Variants in DNM3 observed in about 807,000 individuals in gnomAD.
DNM3 encodes dynamin-3.
In DNM3, 47 loss-of-function variants were observed where a neutral mutation model predicts 101.6. The ratio of observed to expected loss-of-function variants is 0.46; its 90% CI spans 0.37 to 0.59. DNM3 has a LOEUF of 0.59. Ranked by LOEUF, DNM3 falls within the 20% of genes least tolerant of loss-of-function variation. The pLI, the probability that DNM3 is intolerant of heterozygous loss-of-function variation, is 0.00. For missense variants in DNM3, 849 were observed against 1,085.7 expected, an observed-to-expected ratio of 0.78 and a Z score of 3.06; for synonymous variants, 385 against 387.9, an observed-to-expected ratio of 0.99 and a Z score of 0.09.
intron 15 of DNM3, among the ~76,000 whole-genome samples, chr1:172,261,967 G>A (rs1452639731): frequency 1.3e-5 from 2 of 152,164 alleles, no homozygotes; most frequent in African/African-American, 4.8e-5. Flanking sequence ...TCAGGTAAAG[G>A]GGGAAGGAGT....
chr1:172,230,653 A>G (rs982073430), intron 14 of DNM3, among the ~76,000 whole-genome samples: 1 of 152,138 alleles, frequency 6.6e-6, no homozygotes, highest in African/African-American at 2.4e-5. Context: ...TGAATGTTAA[A>G]TGTTTCATGG....
intron 4 of DNM3, among the ~76,000 whole-genome samples, chr1:171,998,121 A>C (rs576691138): frequency 6.6e-6 from 1 of 152,186 alleles, no homozygotes; most frequent in African/African-American, 2.4e-5. Context: ...CCTGTCTCAG[A>C]TGCCAATAGT....
chr1:172,145,092 C>T (rs757062997), intron 14 of DNM3, among the ~76,000 whole-genome samples: 8 of 151,910 alleles, frequency 5.3e-5, no homozygotes, highest in East Asian at 1.9e-4. Flanking sequence ...ATGTACAGTT[C>T]GGCTGTGGCC....
At chr1:172,229,282 C>T (rs1032700456) in intron 14 of DNM3, among the ~76,000 whole-genome samples, 3 of 152,106 alleles carry the variant, frequency 2.0e-5, no homozygotes, top group African/African-American at 7.2e-5. Context: ...GAACTAGAAA[C>T]ATTTCTCTAC....
chr1:172,209,415 G>C (rs1227848336), intron 14 of DNM3, among the ~76,000 whole-genome samples: 4 of 151,888 alleles, frequency 2.6e-5, no homozygotes, highest in African/African-American at 7.3e-5. Context: ...CAGGCACCAA[G>C]GGTGAATATT....
chr1:171,930,925 C>T (rs1381938302), intron 2 of DNM3, among the ~76,000 whole-genome samples: 2 of 152,096 alleles, frequency 1.3e-5, no homozygotes, highest in Admixed American at 6.5e-5. Context: ...GAAAATAATT[C>T]AGTTTATAAT....
At chr1:172,292,338 A>G (rs549874373) in intron 15 of DNM3, among the ~76,000 whole-genome samples, 4 of 152,346 alleles carry the variant, frequency 2.6e-5, no homozygotes, top group East Asian at 1.9e-4. Context: ...GCAGGTGTTC[A>G]TGGTCTTTAA....
At position 172,119,109 on chromosome 1, in the gene DNM3, C is replaced by T. The variant is rs1363854921; in HGVS notation, c.1546-12066C>T. Among the ~76,000 whole-genome samples, 3 of 151,864 alleles carry T rather than the reference C, an allele frequency of 2.0e-5. No individual in the cohort carries two copies. In the East Asian group the frequency reaches 5.8e-4, roughly 29 times the overall value. Reference sequence around the variant, plus strand: ...CCGGGTTCAAGCGATTCTTCTGCCTCAGCCTCCTGAGTAGCTGGGATTACA... The same window carrying T: ...CCGGGTTCAAGCGATTCTTCTGCCTTAGCCTCCTGAGTAGCTGGGATTACA... On this transcript the variant is annotated intron_variant, in intron 13 of 20. Coordinates refer to ENST00000627582, the MANE Select transcript of DNM3 (RefSeq NM_015569.5).
chr1:172,409,350 G>A lies in DNM3; in HGVS notation c.*1509G>A. 1.0e-6 allele frequency: 1 copy of A among 985,160 alleles called. No homozygotes were observed. Among genetic ancestry groups the A allele is most frequent in the African/African-American group, 1.7e-5 (1 of 57,328 alleles). The allele number at this position is 985,160 out of a possible 1,614,324, so 61.0% of individuals were successfully genotyped here. On this transcript the variant is annotated 3_prime_UTR_variant, in exon 21 of 21. Transcript: ENST00000627582. ...TAATTTCCTGTGTAGTTTACACCCAGAGCAGATACTCATAAAGTATAAAGT... is the reference window on the plus strand; with the variant it reads ...TAATTTCCTGTGTAGTTTACACCCAAAGCAGATACTCATAAAGTATAAAGT...
chr1:172,255,492 G>T (rs1339904695), intron 15 of DNM3, among the ~76,000 whole-genome samples: 17 of 152,072 alleles, frequency 1.1e-4, no homozygotes, highest in Non-Finnish European at 4.4e-5. Flanking sequence ...AAAAAGCTGG[G>T]TGTAAGGTAA....
At chr1:171,899,115 G>T (rs79318319) in intron 1 of DNM3, among the ~76,000 whole-genome samples, 3,005 of 152,302 alleles carry the variant, frequency 0.02, 96 homozygotes, top group African/African-American at 0.067. Flanking sequence ...AGCTGCAAGA[G>T]CAGTGGCCTT....
intron 4 of DNM3, among the ~76,000 whole-genome samples, chr1:171,998,985 T>C (rs1460265771): frequency 1.3e-5 from 2 of 152,170 alleles, no homozygotes; most frequent in African/African-American, 4.8e-5. Context: ...GCCCAGATCA[T>C]GTGGGGTTTT....
chr1:172,106,847 CT>C (rs1165611083), intron 13 of DNM3, among the ~76,000 whole-genome samples: 1,001 of 67,822 alleles, frequency 0.015, 1 homozygote, highest in Non-Finnish European at 0.021. Flanking sequence ...TAACATTATT[CT>C]TTTTTTTTTT....
At chr1:171,952,783 A>G (rs931986787) in intron 2 of DNM3, among the ~76,000 whole-genome samples, 1 of 152,216 alleles carries the variant, frequency 6.6e-6, no homozygotes, top group African/African-American at 2.4e-5. Context: ...AACTTATATC[A>G]TTGCTTCTTT....
At chr1:172,206,395 G>A (rs1278442212) in intron 14 of DNM3, among the ~76,000 whole-genome samples, 1 of 152,106 alleles carries the variant, frequency 6.6e-6, no homozygotes, top group African/African-American at 2.4e-5. Flanking sequence ...ACTGCAGGAA[G>A]CAGAAGAAAT....
In DNM3 at chr1:172,038,478, T is replaced by G; in HGVS notation, c.992+17T>G. On this transcript the variant is annotated intron_variant, in intron 7 of 20. Transcript: ENST00000627582. The stretch of plus-strand genomic sequence containing the variant: ...ATTGCTGCAGTAGGTCACCTTTCCC[T>G]TCCTTGGCTCAGCATTTTAATCTAA... 1.2e-6 allele frequency: 2 copies of G among 1,608,166 alleles called. No homozygotes were observed. Among genetic ancestry groups the G allele is most frequent in the South Asian group, 2.2e-5 (2 of 89,708 alleles).
intron 1 of DNM3, among the ~76,000 whole-genome samples, chr1:171,880,823 A>G (rs1295818151): frequency 1.3e-5 from 2 of 152,180 alleles, no homozygotes; most frequent in Non-Finnish European, 2.9e-5. Flanking sequence ...ATCTTATCAG[A>G]AAATGATTCC....
intron 17 of DNM3, among the ~76,000 whole-genome samples, chr1:172,369,796 A>C (rs1391712009): frequency 6.6e-6 from 1 of 151,976 alleles, no homozygotes; most frequent in Non-Finnish European, 1.5e-5. Context: ...ATGCCATAAC[A>C]AATTATCATA....
At chr1:172,383,862 G>A (rs1052220989) in intron 18 of DNM3, among the ~76,000 whole-genome samples, 15 of 152,250 alleles carry the variant, frequency 9.9e-5, no homozygotes, top group Middle Eastern at 3.4e-3. Context: ...TTTCATGTGT[G>A]AGAACTTTTA....
Sources: allele counts gnomAD v4.1 joint callset (sites outside exome capture counted in the v4.1 genomes callset), GRCh38; gene constraint gnomAD v4.1.1; transcripts MANE v1.5; gene names NCBI Gene and HGNC (gene_info 2026-07-23, HGNC 2026-07-21).